The following RAD54B variants were observed in gnomAD, a reference collection of about 807,000 sequenced individuals.
The protein encoded by RAD54B is RAD54 homolog B.
RAD54B carries 78 observed loss-of-function variants against 95.8 expected under a neutral mutation model. That is an observed-to-expected ratio of 0.81 (90% CI 0.68 to 0.98). RAD54B has a LOEUF of 0.98. Among genes scored for constraint, RAD54B ranks in the 50% least tolerant of loss-of-function variants. The pLI is 0.00. For synonymous variants in RAD54B, 328 were observed against 354.9 expected (o/e 0.92, Z 0.85); for missense variants, 957 against 1,056.6 (o/e 0.91, Z 1.31).
rs754253078 is a variant in RAD54B, at chr8:94,411,275, T to G, written c.345A>C (p.Gln115His). Residue 115 changes from glutamine (Q) to histidine (H), a missense_variant, in exon 4 of 15, where the codon CAA (glutamine) becomes CAC (histidine). Coordinates refer to ENST00000336148, the MANE Select transcript of RAD54B (RefSeq NM_012415.3). ...APKEVAVSKE[Q>H]EEKSDSLVKY... ...TAACTAGGCTATCAGATTTCTCTTC[T>G]TGTTCCTTGGACACTGCTACTTCTT... 9 of 1,605,782 alleles carry G rather than the reference T, an allele frequency of 5.6e-6. No individual in the cohort carries two copies. In the African/African-American group the frequency reaches 9.4e-5, roughly 17 times the overall value.
At position 94,424,055 on chromosome 8, in the gene RAD54B, C is replaced by T. The variant is rs552833557; in HGVS notation, c.305-12740G>A. Among the ~76,000 whole-genome samples the T allele has an allele frequency of 2.6e-5, 4 of 152,282 alleles. No individual in the cohort carries two copies. The East Asian group carries it at 7.7e-4, about 29-fold the overall frequency. ...GAATGGATGTTATGTCCAAGACCCTCCCTGCCACCATCCCACCAGCTCCCA... is the reference window on the plus strand; with the variant it reads ...GAATGGATGTTATGTCCAAGACCCTTCCTGCCACCATCCCACCAGCTCCCA... On this transcript the variant is annotated intron_variant, in intron 3 of 14. Coordinates refer to ENST00000336148, the MANE Select transcript of RAD54B (RefSeq NM_012415.3).
chr8:94,412,777 A>T (rs1811558563), intron 3 of RAD54B, among the ~76,000 whole-genome samples: 1 of 152,208 alleles, frequency 6.6e-6, no homozygotes, highest in Non-Finnish European at 1.5e-5. Context: ...GAAAGGAAGA[A>T]ATAAAACCGG....
rs71273333 is a variant in RAD54B, at chr8:94,413,840, CTT to C, written c.305-2527_305-2526del. 5.1e-3 allele frequency among the ~76,000 whole-genome samples: 665 copies of C among 131,192 alleles called. 2 individuals carry two copies. Among genetic ancestry groups the C allele is most frequent in the Non-Finnish European group, 8.7e-3 (525 of 60,062 alleles). The allele number at this position is 131,192 out of a possible 152,430, so 86.1% of individuals were successfully genotyped here. A position where few individuals can be genotyped will look rare whatever the true frequency, so the allele number is the denominator to read the frequency against. ...AGAATAATTATTCTTTTTTTTTTTT[CTT>C]TTTTTTTTTTTGAGACAGAGTTTTG... On this transcript the variant is annotated intron_variant, in intron 3 of 14. Coordinates refer to ENST00000336148, the MANE Select transcript of RAD54B (RefSeq NM_012415.3).
chr8:94,394,121 T>C (rs566078676), intron 8 of RAD54B, among the ~76,000 whole-genome samples: 4 of 152,340 alleles, frequency 2.6e-5, no homozygotes, highest in Non-Finnish European at 5.9e-5. Context: ...TAGTATAGCA[T>C]AGAGACTGAG....
chr8:94,407,558 G>A lies in RAD54B; in HGVS notation c.662C>T (p.Ser221Phe), dbSNP rs1031066806. The change falls in exon 5 of 15, where the codon TCT becomes TTT. Residue 221 changes from serine to phenylalanine, a missense_variant. Coordinates refer to ENST00000336148, the MANE Select transcript of RAD54B (RefSeq NM_012415.3). Reference protein sequence around the residue: ...GGGSTAISHSSQVARKCFSNP... With the variant: ...GGGSTAISHSFQVARKCFSNP... ...AGAGAAACATTTCCTGGCAACCTGA[G>A]AAGAATGCGAGATAGCAGTACTTCC... is the stretch of plus-strand genomic sequence containing the variant. 6.2e-7 allele frequency: 1 copy of A among 1,613,990 alleles called. No homozygotes were observed. Among genetic ancestry groups the A allele is most frequent in the East Asian group, 2.2e-5 (1 of 44,862 alleles).
intron 10 of RAD54B, among the ~76,000 whole-genome samples, chr8:94,389,098 A>G (rs1810956920): frequency 6.6e-6 from 1 of 152,152 alleles, no homozygotes; most frequent in African/African-American, 2.4e-5. Context: ...TGAATATTAA[A>G]TCAGAGTACA....
intron 4 of RAD54B, 23 bp from the exon 5 acceptor site, chr8:94,407,743 A>T: frequency 6.3e-7 from 1 of 1,591,410 alleles, no homozygotes; most frequent in Non-Finnish European, 8.6e-7. Context: ...AAAGAAAAAA[A>T]TTAATTGACA....
In RAD54B at chr8:94,372,358, T is replaced by C. The variant is rs781064024; in HGVS notation, c.2545A>G (p.Arg849Gly). Reference protein sequence around the residue: ...GDSLEKFIVSRDCQLGPHHQK... With the variant: ...GDSLEKFIVSGDCQLGPHHQK... ...TGATGTGGACCAAGCTGACAATCTCTAGAGACAATGAATTTTTCCAACGAA... is the reference window on the plus strand; with the variant it reads ...TGATGTGGACCAAGCTGACAATCTCCAGAGACAATGAATTTTTCCAACGAA... The change falls in exon 15 of 15, where the codon AGA (arginine) becomes GGA (glycine). Residue 849 changes from arginine to glycine, a missense_variant. By Grantham distance (125) the Arg-to-Gly change is moderately radical. Coordinates refer to ENST00000336148, the MANE Select transcript of RAD54B (RefSeq NM_012415.3). 2 of 1,613,220 alleles carry C rather than the reference T, an allele frequency of 1.2e-6. No individual in the cohort carries two copies. Among genetic ancestry groups the C allele is most frequent in the South Asian group, 2.2e-5 (2 of 90,924 alleles).
chr8:94,381,794 G>T (rs1474869207), intron 11 of RAD54B, among the ~76,000 whole-genome samples: 1 of 152,086 alleles, frequency 6.6e-6, no homozygotes, highest in African/African-American at 2.4e-5. Flanking sequence ...CTGACTGACA[G>T]GAATTCCAAA....
intron 11 of RAD54B, among the ~76,000 whole-genome samples, chr8:94,383,999 A>G (rs1445217628): frequency 6.6e-6 from 1 of 152,230 alleles, no homozygotes; most frequent in Non-Finnish European, 1.5e-5. Flanking sequence ...GAATTACCAT[A>G]TGATGCAACA....
intron 3 of RAD54B, chr8:94,432,627 C>T: frequency 1.3e-6 from 2 of 1,541,394 alleles, no homozygotes; most frequent in Non-Finnish European, 1.8e-6. Context: ...TGAACTGGTA[C>T]CAGCCTGTGC....
At chr8:94,448,336 G>A (rs888454548) in intron 3 of RAD54B, among the ~76,000 whole-genome samples, 17 of 152,092 alleles carry the variant, frequency 1.1e-4, no homozygotes, top group African/African-American at 4.1e-4. Context: ...AACAAATGTT[G>A]GCAAGGGTGT....
At chr8:94,438,082 C>T (rs1812313231) in intron 3 of RAD54B, among the ~76,000 whole-genome samples, 1 of 152,086 alleles carries the variant, frequency 6.6e-6, no homozygotes, top group Admixed American at 6.5e-5. Context: ...ATAAATGCTC[C>T]CAGGCACTGT....
chr8:94,467,650 G>A (rs1349142071), intron 1 of RAD54B, 95 bp from the exon 2 acceptor site: 1 of 1,297,952 alleles, frequency 7.7e-7, no homozygotes, highest in Non-Finnish European at 1.0e-6. Context: ...AGATGGAACA[G>A]AAACCCCTCT....
chr8:94,421,606 A>C (rs370798721), intron 3 of RAD54B, among the ~76,000 whole-genome samples: 20 of 152,282 alleles, frequency 1.3e-4, no homozygotes, highest in African/African-American at 4.3e-4. Flanking sequence ...TCTTTTCTCC[A>C]AAAATTGTTC....
At chr8:94,467,697 A>T (rs1473318079) in intron 1 of RAD54B, 142 bp from the exon 2 acceptor site, 1 of 804,906 alleles carries the variant, frequency 1.2e-6, no homozygotes, top group Non-Finnish European at 1.8e-6. Context: ...TAGAAACAAA[A>T]GGAAAATCTT....
intron 14 of RAD54B, among the ~76,000 whole-genome samples, chr8:94,374,844 T>A (rs1273934755): frequency 6.6e-6 from 1 of 152,196 alleles, no homozygotes; most frequent in Admixed American, 6.5e-5. Flanking sequence ...TAACAAAAAA[T>A]TAGGTTGTTA....
intron 3 of RAD54B, chr8:94,432,719 G>C (rs1236600573): frequency 5.8e-6 from 8 of 1,380,984 alleles, no homozygotes; most frequent in African/African-American, 1.5e-5. Context: ...TATATTTATA[G>C]CATAATTTTA....
chr8:94,423,838 G>A (rs1811879157), intron 3 of RAD54B, among the ~76,000 whole-genome samples: 1 of 152,180 alleles, frequency 6.6e-6, no homozygotes, highest in Admixed American at 6.5e-5. Flanking sequence ...AGCAGTCACT[G>A]TGCATTGAAT....
Sources: allele counts gnomAD v4.1 joint callset (sites outside exome capture counted in the v4.1 genomes callset), GRCh38; gene constraint gnomAD v4.1.1; transcripts MANE v1.5; gene names NCBI Gene and HGNC (gene_info 2026-07-23, HGNC 2026-07-21).